PARP12: variants seen among roughly 807,000 people sequenced by gnomAD.
The protein encoded by PARP12 is protein mono-ADP-ribosyltransferase PARP12.
In PARP12, 59 loss-of-function variants were observed where a neutral mutation model predicts 72.4. The observed-to-expected ratio is 0.81, with a 90% CI of 0.66 to 1.01. The LOEUF is 1.01. Among genes scored for constraint, PARP12 ranks in the 50% least tolerant of loss-of-function variants. The pLI, the probability that PARP12 is intolerant of heterozygous loss-of-function variation, is 0.00. For missense variants in PARP12, 851 were observed against 914.0 expected, an observed-to-expected ratio of 0.93 and a Z score of 0.89; for synonymous variants, 403 against 371.4, an observed-to-expected ratio of 1.09 and a Z score of -0.98.
chr7:140,058,898 C>A (rs1293768225), intron 1 of PARP12, among the ~76,000 whole-genome samples: 1 of 152,012 alleles, frequency 6.6e-6, no homozygotes, highest in Non-Finnish European at 1.5e-5. Context: ...GAGTTCGAGA[C>A]TAGCCTGGCC....
chr7:140,037,633 C>T, intron 7 of PARP12, 82 bp downstream of exon 7: 3 of 1,569,174 alleles, frequency 1.9e-6, no homozygotes, highest in East Asian at 2.3e-5. Flanking sequence ...TCAGTATGTG[C>T]ACACGGCTCC....
chr7:140,051,665 A>G (rs1451594974), intron 4 of PARP12, among the ~76,000 whole-genome samples: 2 of 152,212 alleles, frequency 1.3e-5, no homozygotes, highest in South Asian at 2.1e-4. Flanking sequence ...TGCTGAGATT[A>G]CAGGCATGAG....
chr7:140,040,988 G>A (rs1440007308), intron 6 of PARP12, among the ~76,000 whole-genome samples: 1 of 152,128 alleles, frequency 6.6e-6, no homozygotes. Context: ...GGCTGGTCTT[G>A]AACTCCTGAC....
intron 4 of PARP12, among the ~76,000 whole-genome samples, chr7:140,053,633 A>G (rs1014835740): frequency 5.3e-5 from 8 of 152,058 alleles, no homozygotes; most frequent in African/African-American, 1.7e-4. Context: ...ATGTGTGTGT[A>G]TATATATATA....
chr7:140,042,467 C>T, intron 5 of PARP12, among the ~76,000 whole-genome samples: 1 of 152,136 alleles, frequency 6.6e-6, no homozygotes, highest in Non-Finnish European at 1.5e-5. Flanking sequence ...AACTGGAGAG[C>T]GGAGAGGAGG....
intron 4 of PARP12, 48 bp downstream of exon 4, chr7:140,054,614 G>A (rs753707651): frequency 4.2e-6 from 6 of 1,422,240 alleles, no homozygotes; most frequent in Non-Finnish European, 6.0e-6. Flanking sequence ...GGAATGACAA[G>A]CAGTTACCCC....
intron 6 of PARP12, among the ~76,000 whole-genome samples, chr7:140,040,545 T>A (rs1000480471): frequency 2.6e-5 from 4 of 152,174 alleles, no homozygotes; most frequent in Non-Finnish European, 5.9e-5. Flanking sequence ...GAGGACTGGC[T>A]ATGCATCATT....
intron 8 of PARP12, chr7:140,033,950 G>A (rs541000554): frequency 9.6e-7 from 1 of 1,042,278 alleles, no homozygotes; most frequent in South Asian, 4.0e-5. Context: ...ACAAACGGAT[G>A]GGTTGGCTTC....
chr7:140,045,595 A>T (rs1369442397), intron 5 of PARP12, among the ~76,000 whole-genome samples: 1 of 152,220 alleles, frequency 6.6e-6, no homozygotes, highest in African/African-American at 2.4e-5. Flanking sequence ...AGCTCAGCTA[A>T]AAGTCTGTTA....
At chr7:140,038,328 A>AT in intron 6 of PARP12, 1 of 977,596 alleles carries the variant, frequency 1.0e-6, no homozygotes, top group South Asian at 4.7e-5. Flanking sequence ...GCATTCATCT[A>AT]TTTTTTAAAT....
intron 4 of PARP12, among the ~76,000 whole-genome samples, chr7:140,051,709 G>C (rs973122168): frequency 5.3e-5 from 8 of 152,096 alleles, no homozygotes; most frequent in Non-Finnish European, 1.2e-4. Flanking sequence ...TTTAAGATTA[G>C]AAAACAAAAA....
rs1817508440 is a variant in PARP12 at position 140,062,593 on chromosome 7, G to A, written c.255C>T (p.Cys85=). ...GGTGGAGCTGCGCGCAGAGCCCCAC[G>A]CAGCCCGGCTTGGAGCCCTGGTGCG... is the stretch of plus-strand genomic sequence containing the variant. ...CRAHQGSKPG[C]VGLCAQLHLC... Residue 85 remains cysteine (C), a synonymous_variant, in exon 1 of 12, where the codon TGC becomes TGT. Coordinates refer to ENST00000263549, the MANE Select transcript of PARP12 (RefSeq NM_022750.4). The A allele has an allele frequency of 2.6e-6, 4 of 1,530,702 alleles. No homozygotes were observed. Among genetic ancestry groups the A allele is most frequent in the Non-Finnish European group, 3.5e-6 (4 of 1,143,430 alleles). 94.8% of individuals were successfully genotyped at this position (1,530,702 alleles called of 1,614,324 possible).
chr7:140,046,793 GC>G, intron 5 of PARP12, 90 bp downstream of exon 5: 4 of 1,034,748 alleles, frequency 3.9e-6, no homozygotes, highest in Admixed American at 3.4e-5. Flanking sequence ...AGACTAGGCT[GC>G]TCACAGTGTG....
Position 140,026,180 on chromosome 7 carries a change from G to T in PARP12, c.1780+17C>A, listed in dbSNP as rs1390995554. Reference sequence around the variant, plus strand: ...AAGCAACATGGGTTTTGCTGGTGGAGGCCAGTCATGCCTTACCCTTGCCGT... The same window carrying T: ...AAGCAACATGGGTTTTGCTGGTGGATGCCAGTCATGCCTTACCCTTGCCGT... On this transcript the variant is annotated intron_variant, in intron 11 of 11. Transcript: ENST00000263549. The T allele has an allele frequency of 6.2e-7, 1 of 1,614,174 alleles. No homozygotes were observed. The highest frequency in any genetic ancestry group is 1.7e-5 in the Admixed American group (1 of 60,026).
chr7:140,034,460 CT>C, intron 7 of PARP12, 129 bp from the exon 8 acceptor site: 1 of 757,650 alleles, frequency 1.3e-6, no homozygotes, highest in Admixed American at 2.8e-5. Flanking sequence ...CAGAATCAGT[CT>C]GTTAAAAATA....
At chr7:140,047,326 T>C (rs562302871) in intron 4 of PARP12, among the ~76,000 whole-genome samples, 2 of 152,250 alleles carry the variant, frequency 1.3e-5, no homozygotes, top group East Asian at 1.9e-4. Flanking sequence ...AATGGGTGTA[T>C]GGGTTATCAT....
In PARP12 at chr7:140,051,747, G is replaced by A. The variant is rs530389747; in HGVS notation, c.862+2915C>T. 1.8e-4 allele frequency among the ~76,000 whole-genome samples: 28 copies of A among 152,298 alleles called. 1 individual carries two copies. Among genetic ancestry groups the A allele is most frequent in the African/African-American group, 5.5e-4 (23 of 41,568 alleles). On this transcript the variant is annotated intron_variant, in intron 4 of 11. Coordinates refer to ENST00000263549, the MANE Select transcript of PARP12 (RefSeq NM_022750.4). ...AGTCAGAAAGAGCCAAATCAGGACTGTAAAGTGAATGCCTACAGATTTCCC... is the reference window on the plus strand; with the variant it reads ...AGTCAGAAAGAGCCAAATCAGGACTATAAAGTGAATGCCTACAGATTTCCC...
Position 140,057,157 on chromosome 7 carries a change from T to C in PARP12, c.463-4A>G, listed in dbSNP as rs1181788810. The C allele has an allele frequency of 6.2e-6, 10 of 1,608,468 alleles. No homozygotes were observed. The highest frequency in any genetic ancestry group is 2.2e-5 in the East Asian group (1 of 44,830). Reference sequence around the variant, plus strand: ...CTTTGTTGTAATGTTGGCAAATCTGTTGACAGAGAGGGAAAAAACCACCAG... The same window carrying C: ...CTTTGTTGTAATGTTGGCAAATCTGCTGACAGAGAGGGAAAAAACCACCAG... On this transcript the variant is annotated splice_region_variant and splice_polypyrimidine_tract_variant and intron_variant, in intron 2 of 11. Coordinates refer to ENST00000263549, the MANE Select transcript of PARP12 (RefSeq NM_022750.4).
chr7:140,043,087 A>T (rs1482628024), intron 5 of PARP12, among the ~76,000 whole-genome samples: 2 of 152,088 alleles, frequency 1.3e-5, no homozygotes, highest in African/African-American at 4.8e-5. Flanking sequence ...CCAGCTACTC[A>T]GGAGGCTGAG....
Sources: gnomAD v4.1 joint callset for allele counts (sites outside exome capture counted in the v4.1 genomes callset) on GRCh38, gnomAD v4.1.1 for gene constraint, MANE v1.5 for transcripts, NCBI Gene and HGNC (gene_info 2026-07-23, HGNC 2026-07-21) for gene names.